WWOX: variants seen among roughly 807,000 people sequenced by gnomAD.
The protein encoded by WWOX is WW domain containing oxidoreductase, also known as WW domain-containing oxidoreductase.
In WWOX, 69 loss-of-function variants were observed where a neutral mutation model predicts 46.2. The ratio of observed to expected loss-of-function variants is 1.49; its 90% CI spans 1.23 to 1.82. The LOEUF is 1.82. Among genes scored for constraint, WWOX ranks in the 40% most tolerant of loss-of-function variants. The pLI is 0.00. For synonymous variants in WWOX, 359 were observed against 202.6 expected (o/e 1.77, Z -6.56); for missense variants, 919 against 542.6 (o/e 1.69, Z -6.89).
chr16:78,360,015 A>G (rs1314406956), intron 5 of WWOX, among the ~76,000 whole-genome samples: 1 of 152,220 alleles, frequency 6.6e-6, no homozygotes, highest in Non-Finnish European at 1.5e-5. Flanking sequence ...AGAATTTTGG[A>G]TTTCAGGAAA....
At chr16:78,902,902 C>T (rs2044865519) in intron 8 of WWOX, among the ~76,000 whole-genome samples, 1 of 152,196 alleles carries the variant, frequency 6.6e-6, no homozygotes, top group South Asian at 2.1e-4. Context: ...AGGACACTTC[C>T]TCCTAGTGTC....
intron 8 of WWOX, among the ~76,000 whole-genome samples, chr16:78,999,752 T>C (rs1597256948): frequency 1.3e-5 from 2 of 152,162 alleles, no homozygotes; most frequent in Admixed American, 6.5e-5. Flanking sequence ...AAATTGCCTG[T>C]TAGGTGCCAT....
chr16:78,718,229 T>G lies in WWOX; in HGVS notation c.1056+285477T>G, dbSNP rs1332730935. On this transcript the variant is annotated intron_variant, in intron 8 of 8. Transcript: ENST00000566780. ...TAATTTGCACATTTGTAAACAATTA[T>G]GTAGTTACACAGCTGTTGTACCACA... Among the ~76,000 whole-genome samples, 4 of 152,056 alleles carry G rather than the reference T, an allele frequency of 2.6e-5. 1 individual carries two copies. Among genetic ancestry groups the G allele is most frequent in the Non-Finnish European group, 2.9e-5 (2 of 68,016 alleles).
chr16:78,668,619 A>G (rs1270707916), intron 8 of WWOX, among the ~76,000 whole-genome samples: 1 of 152,182 alleles, frequency 6.6e-6, no homozygotes, highest in Non-Finnish European at 1.5e-5. Context: ...TGCGGGGAAC[A>G]GGTGAAGGAG....
chr16:79,212,117 T>A lies in WWOX; in HGVS notation c.*321T>A. The A allele has an allele frequency of 6.5e-7, 1 of 1,534,312 alleles. No homozygotes were observed. Among genetic ancestry groups the A allele is most frequent in the Non-Finnish European group, 8.7e-7 (1 of 1,145,816 alleles). ...GCACCAGCAATTCTCTTTCTTTTAC[T>A]GTTATAGAATAGCCTGAGGTCCCCT... On this transcript the variant is annotated 3_prime_UTR_variant, in exon 9 of 9. Transcript: ENST00000566780.
chr16:79,068,308 TG>T (rs1266763059), intron 8 of WWOX, among the ~76,000 whole-genome samples: 2 of 152,148 alleles, frequency 1.3e-5, no homozygotes, highest in African/African-American at 4.8e-5. Context: ...GTAACCATCT[TG>T]GGGGTGAGGA....
At chr16:78,571,338 A>G (rs1192847844) in intron 8 of WWOX, among the ~76,000 whole-genome samples, 1 of 152,180 alleles carries the variant, frequency 6.6e-6, no homozygotes, top group African/African-American at 2.4e-5. Flanking sequence ...TTCATCATAG[A>G]TGACTTTGTG....
chr16:79,088,413 C>T (rs1169731040), intron 8 of WWOX, among the ~76,000 whole-genome samples: 3 of 152,174 alleles, frequency 2.0e-5, no homozygotes, highest in Admixed American at 6.5e-5. Context: ...GTTTGCTGAA[C>T]ACCGTAGGTC....
intron 5 of WWOX, among the ~76,000 whole-genome samples, chr16:78,188,892 A>G (rs2035793668): frequency 6.6e-6 from 1 of 152,192 alleles, no homozygotes; most frequent in Non-Finnish European, 1.5e-5. Context: ...ACTAACAGAA[A>G]AGATTGGTGA....
At chr16:78,511,131 C>G (rs1232011805) in intron 8 of WWOX, among the ~76,000 whole-genome samples, 1 of 152,198 alleles carries the variant, frequency 6.6e-6, no homozygotes, top group Non-Finnish European at 1.5e-5. Context: ...CCTCCCCTTT[C>G]TGATATTTAC....
intron 8 of WWOX, among the ~76,000 whole-genome samples, chr16:78,628,465 G>A (rs1226649161): frequency 6.6e-6 from 1 of 152,160 alleles, no homozygotes; most frequent in African/African-American, 2.4e-5. Flanking sequence ...AAGGGGACCT[G>A]ATATATACAT....
intron 8 of WWOX, among the ~76,000 whole-genome samples, chr16:78,821,809 C>G (rs186407270): frequency 6.6e-6 from 1 of 152,268 alleles, no homozygotes; most frequent in East Asian, 1.9e-4. Context: ...TCAGCAAATA[C>G]CATCGTAGAT....
At chr16:78,769,008 C>G (rs1176218446) in intron 8 of WWOX, among the ~76,000 whole-genome samples, 1 of 152,130 alleles carries the variant, frequency 6.6e-6, no homozygotes, top group African/African-American at 2.4e-5. Context: ...TTTCCTTTTT[C>G]AGTCTCTGGT....
chr16:79,015,334 G>A (rs749202423), intron 8 of WWOX, among the ~76,000 whole-genome samples: 21 of 152,172 alleles, frequency 1.4e-4, no homozygotes, highest in Non-Finnish European at 2.6e-4. Context: ...GTGCCACCAT[G>A]ATTTCCAGCC....
chr16:78,979,810 T>C (rs143732127), intron 8 of WWOX, among the ~76,000 whole-genome samples: 2 of 152,240 alleles, frequency 1.3e-5, no homozygotes, highest in Non-Finnish European at 2.9e-5. Context: ...AGGGTGTGAT[T>C]GGTAAGTGTG....
chr16:78,313,587 A>G (rs1224446700), intron 5 of WWOX, among the ~76,000 whole-genome samples: 1 of 152,114 alleles, frequency 6.6e-6, no homozygotes, highest in African/African-American at 2.4e-5. Flanking sequence ...GCTGGCCTCA[A>G]ACTCCTGACC....
intron 8 of WWOX, among the ~76,000 whole-genome samples, chr16:78,818,737 A>C (rs1489860112): frequency 6.6e-6 from 1 of 152,192 alleles, no homozygotes; most frequent in Non-Finnish European, 1.5e-5. Flanking sequence ...CCATGTAACT[A>C]GCTTGCCAGT....
At chr16:78,917,866 C>A (rs1125630) in intron 8 of WWOX, among the ~76,000 whole-genome samples, 2 of 151,924 alleles carry the variant, frequency 1.3e-5, no homozygotes, top group Non-Finnish European at 2.9e-5. Context: ...TACTGATATC[C>A]TAAGTGAGAT....
intron 8 of WWOX, among the ~76,000 whole-genome samples, chr16:79,066,986 G>T (rs1202721316): frequency 1.3e-5 from 2 of 152,182 alleles, no homozygotes; most frequent in Non-Finnish European, 2.9e-5. Flanking sequence ...AACTATCTCT[G>T]AAAGGGCATT....
Sources: gnomAD v4.1 joint callset for allele counts (sites outside exome capture counted in the v4.1 genomes callset) on GRCh38, gnomAD v4.1.1 for gene constraint, MANE v1.5 for transcripts, NCBI Gene and HGNC (gene_info 2026-07-23, HGNC 2026-07-21) for gene names.